The following AKAP19 variants were observed in gnomAD, a reference collection of about 807,000 sequenced individuals.
AKAP19 encodes small A-kinase anchoring protein.
chr2:189,907,537 G>A, the AKAP19 span, among the ~76,000 whole-genome samples: 1 of 151,942 alleles, frequency 6.6e-6, no homozygotes, highest in South Asian at 2.1e-4. Context: ...TTTATTTTTA[G>A]CACACACCTA....
the AKAP19 span, among the ~76,000 whole-genome samples, chr2:189,929,886 G>A: frequency 3.3e-4 from 50 of 152,240 alleles, no homozygotes; most frequent in Non-Finnish European, 6.6e-4. Flanking sequence ...TTTGGGGATG[G>A]GGAGGGGGAA....
chr2:190,120,369 G>A, the AKAP19 span, among the ~76,000 whole-genome samples: 1 of 152,050 alleles, frequency 6.6e-6, no homozygotes, highest in African/African-American at 2.4e-5. Flanking sequence ...AGCTGGGGGG[G>A]GCCTGTCTCA....
the AKAP19 span, among the ~76,000 whole-genome samples, chr2:190,091,547 A>AACACACACACACACAC: frequency 0.18 from 27,375 of 150,364 alleles, 2,747 homozygotes; most frequent in African/African-American, 0.24. Flanking sequence ...TCTTTTGTTA[A>AACACACACACACACAC]ACACACACAC....
At chr2:190,171,184 C>T in the AKAP19 span, among the ~76,000 whole-genome samples, 4,474 of 151,600 alleles carry the variant, frequency 0.03, 112 homozygotes, top group Non-Finnish European at 0.047. Context: ...CTCTTGTAAC[C>T]ATAATTCCAA....
At chr2:190,195,941 C>CTTTT in the AKAP19 span, among the ~76,000 whole-genome samples, 6,379 of 84,512 alleles carry the variant, frequency 0.075, 145 homozygotes, top group Non-Finnish European at 0.11. Flanking sequence ...CTGTGTCCAG[C>CTTTT]TTTTTTTTTT....
chr2:190,165,545 A>C, the AKAP19 span, among the ~76,000 whole-genome samples: 1 of 152,246 alleles, frequency 6.6e-6, no homozygotes, highest in African/African-American at 2.4e-5. Context: ...CTAAGTTGAG[A>C]ATTAGACATA....
the AKAP19 span, among the ~76,000 whole-genome samples, chr2:189,979,800 G>A: frequency 1.3e-5 from 2 of 152,044 alleles, no homozygotes; most frequent in African/African-American, 4.8e-5. Context: ...CATAAAAGCA[G>A]CCAATAAACA....
the AKAP19 span, among the ~76,000 whole-genome samples, chr2:190,193,701 A>G: frequency 1.3e-5 from 2 of 152,108 alleles, no homozygotes; most frequent in Non-Finnish European, 1.5e-5. Context: ...ACACATCTTA[A>G]TATGTGACTT....
chr2:190,180,805 G>C, the AKAP19 span: 26 of 985,194 alleles, frequency 2.6e-5, no homozygotes, highest in Non-Finnish European at 3.1e-5. This position sits in a 1 kb window ranked among gnomAD's most constrained non-coding sequence, Gnocchi z 6.8. Context: ...GGGCGCGGCG[G>C]CGACGGCAGG....
chr2:190,034,125 A>T, the AKAP19 span, among the ~76,000 whole-genome samples: 1 of 151,926 alleles, frequency 6.6e-6, no homozygotes, highest in Non-Finnish European at 1.5e-5. Context: ...AGTCAAAAAA[A>T]AAGAGACATT....
the AKAP19 span, among the ~76,000 whole-genome samples, chr2:189,904,407 A>G: frequency 2.0e-5 from 3 of 152,004 alleles, no homozygotes; most frequent in Admixed American, 6.6e-5. Flanking sequence ...ACAGGTTCTT[A>G]CAGAATTATG....
chr2:190,076,703 T>C, the AKAP19 span, among the ~76,000 whole-genome samples: 1 of 152,202 alleles, frequency 6.6e-6, no homozygotes, highest in Non-Finnish European at 1.5e-5. Context: ...TTTTAAGATT[T>C]TCTCTTTGTC....
the AKAP19 span, among the ~76,000 whole-genome samples, chr2:190,125,901 G>A: frequency 1.3e-5 from 2 of 151,928 alleles, no homozygotes; most frequent in Non-Finnish European, 2.9e-5. Flanking sequence ...AAAAATGCAT[G>A]GCATGAGATA....
chr2:190,102,197 A>C, the AKAP19 span, among the ~76,000 whole-genome samples: 1 of 152,194 alleles, frequency 6.6e-6, no homozygotes, highest in Non-Finnish European at 1.5e-5. Context: ...CAGTCTTAAG[A>C]GGAAAGTTCA....
the AKAP19 span, among the ~76,000 whole-genome samples, chr2:190,007,544 G>A: frequency 6.6e-6 from 1 of 152,188 alleles, no homozygotes; most frequent in East Asian, 1.9e-4. Context: ...GAATGGGGTG[G>A]TGGGACTAAT....
At chr2:190,000,945 T>C in the AKAP19 span, among the ~76,000 whole-genome samples, 1 of 152,172 alleles carries the variant, frequency 6.6e-6, no homozygotes, top group South Asian at 2.1e-4. Context: ...GGACTCCCAT[T>C]ACATGTATAT....
At chr2:190,199,572 C>T in the AKAP19 span, 2 of 380,732 alleles carry the variant, frequency 5.3e-6, no homozygotes, top group African/African-American at 2.0e-5. Context: ...TAAGATAAAG[C>T]TGTTTGTTTT....
the AKAP19 span, among the ~76,000 whole-genome samples, chr2:189,953,195 C>A: frequency 3.9e-5 from 6 of 152,038 alleles, no homozygotes; most frequent in Non-Finnish European, 8.8e-5. Flanking sequence ...TTACTCAAGG[C>A]CTTGTCCGTC....
the AKAP19 span, chr2:190,062,506 C>CT: frequency 6.2e-7 from 1 of 1,613,468 alleles, no homozygotes. Context: ...TCCACATTTT[C>CT]TTTTTGCTCA....
Sources: allele counts gnomAD v4.1 joint callset (sites outside exome capture counted in the v4.1 genomes callset), GRCh38; gene constraint gnomAD v4.1.1; non-coding constraint Gnocchi (gnomAD v3.1); transcripts MANE v1.5; gene names NCBI Gene and HGNC (gene_info 2026-07-23, HGNC 2026-07-21).